The following ESR1 variants were observed in gnomAD, a reference collection of about 807,000 sequenced individuals.
ESR1 encodes estrogen receptor.
Under a neutral mutation model 52.7 loss-of-function variants are expected in ESR1, and 12 were observed. The ratio of observed to expected loss-of-function variants is 0.23; its 90% CI spans 0.15 to 0.37. The LOEUF is 0.37. ESR1 is among the 10% of genes least tolerant of loss of function. ESR1 has a pLI of 1.00. For synonymous variants in ESR1, 305 were observed against 316.8 expected, an observed-to-expected ratio of 0.96 and a Z score of 0.39; for missense variants, 584 against 779.7, an observed-to-expected ratio of 0.75 and a Z score of 2.99.
At chr6:151,677,458 A>T (rs955188324) in intron 1 of ESR1, among the ~76,000 whole-genome samples, 2 of 152,252 alleles carry the variant, frequency 1.3e-5, no homozygotes, top group African/African-American at 4.8e-5. Context: ...GAATGAATGT[A>T]CACACAGAGC....
rs574145562 is a variant in ESR1 at position 152,101,650 on chromosome 6, A to T, written c.*2684A>T. 3.1e-3 allele frequency: 701 copies of T among 227,088 alleles called. 3 individuals carry two copies. Among genetic ancestry groups the T allele is most frequent in the African/African-American group, 0.015 (655 of 44,962 alleles). The allele number at this position is 227,088 out of a possible 1,614,324, so 14.1% of individuals were successfully genotyped here. On this transcript the variant is annotated 3_prime_UTR_variant, in exon 8 of 8. Coordinates refer to ENST00000206249, the MANE Select transcript of ESR1 (RefSeq NM_000125.4). ...GGTATTGGGTGTAGGAACATGATTT[A>T]AAAAAAAACTCTTGCCTCTGCTTTC...
intron 2 of ESR1, among the ~76,000 whole-genome samples, chr6:151,722,981 T>C (rs757019387): frequency 1.1e-4 from 16 of 152,192 alleles, no homozygotes; most frequent in Admixed American, 4.6e-4. Flanking sequence ...TTTTGATCTA[T>C]GGATTTGGAA....
At chr6:152,032,926 C>T (rs954153556) in intron 5 of ESR1, among the ~76,000 whole-genome samples, 3 of 152,206 alleles carry the variant, frequency 2.0e-5, no homozygotes, top group Non-Finnish European at 4.4e-5. Flanking sequence ...CAGCATGGTA[C>T]TGGTACCAAA....
At chr6:151,836,615 A>C (rs540240932) in intron 1 of ESR1, among the ~76,000 whole-genome samples, 5 of 152,230 alleles carry the variant, frequency 3.3e-5, no homozygotes, top group Non-Finnish European at 7.3e-5. Flanking sequence ...GGAGCAAATG[A>C]GACATGATTC....
At chr6:151,756,571 A>G (rs902982095) in intron 2 of ESR1, among the ~76,000 whole-genome samples, 1 of 152,326 alleles carries the variant, frequency 6.6e-6, no homozygotes, top group African/African-American at 2.4e-5. Flanking sequence ...TATAAGCTCT[A>G]TGAGGGTAGA....
intron 3 of ESR1, among the ~76,000 whole-genome samples, chr6:151,925,325 G>A (rs1468975742): frequency 6.6e-6 from 1 of 152,114 alleles, no homozygotes; most frequent in Non-Finnish European, 1.5e-5. Flanking sequence ...TGGGGTTTTG[G>A]GCTGGGCGCA....
intron 2 of ESR1, among the ~76,000 whole-genome samples, chr6:151,740,974 G>T (rs1204618639): frequency 1.3e-5 from 2 of 152,124 alleles, no homozygotes; most frequent in Non-Finnish European, 2.9e-5. Context: ...TCCCACTGTG[G>T]CTGCCATCAG....
intron 6 of ESR1, among the ~76,000 whole-genome samples, chr6:152,091,739 A>G (rs955862106): frequency 2.0e-5 from 3 of 152,100 alleles, no homozygotes; most frequent in Non-Finnish European, 4.4e-5. Flanking sequence ...GTGTGCCTTC[A>G]CACCGTGCAA....
intron 3 of ESR1, among the ~76,000 whole-genome samples, chr6:151,941,070 A>T (rs1299251454): frequency 6.6e-6 from 1 of 152,240 alleles, no homozygotes; most frequent in Non-Finnish European, 1.5e-5. Context: ...TTTTTAAAGT[A>T]AGATAAATTA....
chr6:152,127,433 T>C (rs1310445207), exon 7 of ESR1: 1 of 152,198 alleles, frequency 6.6e-6, no homozygotes, highest in East Asian at 1.9e-4. Context: ...ACTAAATGAA[T>C]GTCAGCAGCT....
chr6:151,923,714 G>T (rs2032146004), intron 3 of ESR1, among the ~76,000 whole-genome samples: 1 of 152,166 alleles, frequency 6.6e-6, no homozygotes, highest in Non-Finnish European at 1.5e-5. Context: ...CACTGGTGAA[G>T]AATCTCTTGA....
At chr6:151,968,171 A>G (rs1228785944) in intron 4 of ESR1, among the ~76,000 whole-genome samples, 1 of 152,306 alleles carries the variant, frequency 6.6e-6, no homozygotes, top group African/African-American at 2.4e-5. Context: ...GAAATGGGGA[A>G]AGGATTCCCT....
Position 152,068,139 on chromosome 6 carries a change from G to A in ESR1, c.1369+7015G>A, listed in dbSNP as rs543766010. Among the ~76,000 whole-genome samples, 193 of 152,360 alleles carry A rather than the reference G, an allele frequency of 1.3e-3. 1 individual carries two copies. Among genetic ancestry groups the A allele is most frequent in the Non-Finnish European group, 2.3e-3 (159 of 68,040 alleles). ...TGCATCTGACATGAGAGGCTACCAA[G>A]GATGTGGCCACAACTGGGCTCTCCC... On this transcript the variant is annotated intron_variant, in intron 6 of 7. Coordinates refer to ENST00000206249, the MANE Select transcript of ESR1 (RefSeq NM_000125.4).
chr6:151,834,258 T>C (rs541538231), intron 1 of ESR1, among the ~76,000 whole-genome samples: 2 of 152,334 alleles, frequency 1.3e-5, no homozygotes, highest in Non-Finnish European at 2.9e-5. Context: ...CGTATGTTTA[T>C]TGCAGCATTG....
intron 3 of ESR1, among the ~76,000 whole-genome samples, chr6:151,910,588 A>G (rs74552430): frequency 0.011 from 1,643 of 152,322 alleles, 21 homozygotes; most frequent in African/African-American, 0.039. Context: ...CCTCTATAAA[A>G]TGATGATGAA....
chr6:151,753,049 C>T (rs1040010788), intron 2 of ESR1, among the ~76,000 whole-genome samples: 14 of 152,148 alleles, frequency 9.2e-5, no homozygotes, highest in Non-Finnish European at 1.5e-4. Context: ...TTCACCATAA[C>T]GAATAAATCA....
chr6:151,909,933 G>A (rs4869749), intron 3 of ESR1, among the ~76,000 whole-genome samples: 1 of 151,898 alleles, frequency 6.6e-6, no homozygotes, highest in Admixed American at 6.6e-5. Context: ...TAGGTGGGGG[G>A]CCCCAACAAA....
In ESR1 at chr6:151,757,821, G is replaced by A. The variant is rs1784398340; in HGVS notation, c.-70-50022G>A. Among the ~76,000 whole-genome samples, 3 of 152,158 alleles carry A rather than the reference G, an allele frequency of 2.0e-5. No homozygotes were observed. In the South Asian group the frequency reaches 6.2e-4, roughly 31 times the overall value. The stretch of plus-strand genomic sequence containing the variant: ...GTGGTGTGTGAAACTGAGAAAGCAG[G>A]TAGTTTTTCAGAAAAACTGAGAGCC... On this transcript the variant is annotated intron_variant, in intron 2 of 2. Coordinates refer to the ESR1 transcript ENST00000404742.
chr6:151,738,427 C>T (rs77407621), intron 2 of ESR1, among the ~76,000 whole-genome samples: 6,234 of 152,152 alleles, frequency 0.041, 387 homozygotes, highest in African/African-American at 0.14. Context: ...TTAAATTTCT[C>T]GGAAACTGCC....
Sources: gnomAD v4.1 joint callset for allele counts (sites outside exome capture counted in the v4.1 genomes callset) on GRCh38, gnomAD v4.1.1 for gene constraint, MANE v1.5 for transcripts, NCBI Gene and HGNC (gene_info 2026-07-23, HGNC 2026-07-21) for gene names.